The following SPTBN1 variants were observed in gnomAD, a reference collection of about 807,000 sequenced individuals.
SPTBN1 encodes the protein spectrin beta, non-erythrocytic 1, also known as spectrin beta chain, non-erythrocytic 1.
Under a neutral mutation model 266.4 loss-of-function variants are expected in SPTBN1, and 32 were observed. The observed-to-expected ratio is 0.12, with a 90% CI of 0.09 to 0.16. The LOEUF (loss-of-function observed/expected upper bound fraction) is 0.16. Among genes scored for constraint, SPTBN1 ranks in the 10% least tolerant of loss-of-function variants. The pLI is 1.00. For synonymous variants in SPTBN1, 1,336 were observed against 1,162.2 expected (o/e 1.15, Z -3.04); for missense variants, 2,296 against 3,067.1 (o/e 0.75, Z 5.94).
At chr2:54,588,341 G>T (rs1163760151) in intron 2 of SPTBN1, among the ~76,000 whole-genome samples, 1 of 152,182 alleles carries the variant, frequency 6.6e-6, no homozygotes, top group Non-Finnish European at 1.5e-5. Flanking sequence ...ACCAGACATG[G>T]ATGGTTATGA....
intron 2 of SPTBN1, among the ~76,000 whole-genome samples, chr2:54,530,257 A>G (rs1267008769): frequency 2.0e-5 from 3 of 151,508 alleles, no homozygotes; most frequent in African/African-American, 4.8e-5. Flanking sequence ...GGGTTTATGT[A>G]TCTAAGGAAA....
intron 17 of SPTBN1, among the ~76,000 whole-genome samples, chr2:54,634,866 G>A (rs2941580): frequency 0.49 from 74,437 of 152,048 alleles, 18,456 homozygotes; most frequent in South Asian, 0.58. Context: ...GTGCCTGTGA[G>A]TGGGAAGAGA....
At position 54,632,759 on chromosome 2, in the gene SPTBN1, T is replaced by C. The variant is rs771074610; in HGVS notation, c.3758T>C (p.Ile1253Thr). 4.3e-6 allele frequency: 7 copies of C among 1,614,136 alleles called. No individual in the cohort carries two copies. The Admixed American group carries it at 6.7e-5, about 15-fold the overall frequency. Residue 1253 changes from isoleucine (I) to threonine (T), a missense_variant, in exon 17 of 36, where the codon ATT (isoleucine) becomes ACT (threonine). By Grantham distance (89) the Ile-to-Thr change is moderately conservative (BLOSUM62 -1). This residue lies in a region of SPTBN1 where 386 missense variants were observed against 486.1 expected (regional missense o/e 0.79). Coordinates refer to ENST00000356805, the MANE Select transcript of SPTBN1 (RefSeq NM_003128.3). The stretch of plus-strand genomic sequence containing the variant: ...CGCATCCAGGAGAAGGTGGACTCTA[T>C]TGATGACAGGTACAGTTTTCTGAGG... ...SDRIQEKVDS[I>T]DDRHRKNRET...
rs756805160 is a variant in SPTBN1, at chr2:54,616,310, T to C, written c.566+12T>C. 14 of 1,612,486 alleles carry C rather than the reference T, an allele frequency of 8.7e-6. No homozygotes were observed. In the South Asian group the frequency reaches 1.4e-4, roughly 16 times the overall value. On this transcript the variant is annotated intron_variant, in intron 5 of 35. Transcript: ENST00000356805. Reference sequence around the variant, plus strand: ...ATGAAGACAGCTGGGTGAGTGTGAATGAAGAGGGTATTGGGGCTGCTTCTT... The same window carrying C: ...ATGAAGACAGCTGGGTGAGTGTGAACGAAGAGGGTATTGGGGCTGCTTCTT...
chr2:54,583,527 G>T (rs1466069650), intron 2 of SPTBN1, among the ~76,000 whole-genome samples: 1 of 152,092 alleles, frequency 6.6e-6, no homozygotes, highest in African/African-American at 2.4e-5. Flanking sequence ...TAGGAACATG[G>T]TTTGAAAACT....
At chr2:54,641,407 G>T (rs149364666) in intron 18 of SPTBN1, among the ~76,000 whole-genome samples, 3 of 152,188 alleles carry the variant, frequency 2.0e-5, no homozygotes, top group Non-Finnish European at 4.4e-5. Context: ...TTGTGTGTAT[G>T]TACAGAATAC....
rs573506476 is a variant in SPTBN1 at position 54,664,382 on chromosome 2, G to A, written c.6421-71G>A. The A allele has an allele frequency of 2.8e-5, 42 of 1,474,180 alleles. No homozygotes were observed. Among genetic ancestry groups the A allele is most frequent in the Admixed American group, 1.3e-4 (7 of 54,554 alleles). 91.3% of individuals were successfully genotyped at this position (1,474,180 alleles called of 1,614,324 possible). Reference sequence around the variant, plus strand: ...CATTTATACACAGCCACATGTGCGAGTCAGGTAGAGCGTATGTGGTCACCC... The same window carrying A: ...CATTTATACACAGCCACATGTGCGAATCAGGTAGAGCGTATGTGGTCACCC... On this transcript the variant is annotated intron_variant, in intron 32 of 35. Coordinates refer to ENST00000356805, the MANE Select transcript of SPTBN1 (RefSeq NM_003128.3). The surrounding 1 kb of genome is among the most constrained non-coding windows in gnomAD (Gnocchi z 5.6).
intron 1 of SPTBN1, among the ~76,000 whole-genome samples, chr2:54,510,792 C>T (rs1222310779): frequency 6.6e-6 from 1 of 152,166 alleles, no homozygotes; most frequent in East Asian, 1.9e-4. Context: ...GGTCTGGATG[C>T]CCTGATCTTT....
chr2:54,519,307 A>G (rs1363542755), intron 1 of SPTBN1, among the ~76,000 whole-genome samples: 3 of 152,234 alleles, frequency 2.0e-5, no homozygotes, highest in Admixed American at 1.3e-4. Flanking sequence ...TGGTAAGTAA[A>G]TAGAAGGTTT....
At chr2:54,597,649 T>A (rs1314929481) in intron 2 of SPTBN1, among the ~76,000 whole-genome samples, 34 of 152,172 alleles carry the variant, frequency 2.2e-4, no homozygotes, top group Admixed American at 2.2e-3. Flanking sequence ...ATGTCATCTC[T>A]GCCTCATTCC....
chr2:54,506,543 A>G (rs564019932), intron 1 of SPTBN1, among the ~76,000 whole-genome samples: 5 of 152,198 alleles, frequency 3.3e-5, no homozygotes, highest in Admixed American at 2.6e-4. Context: ...TAGTAGAGGA[A>G]TTGGTAGGGA....
At chr2:54,517,474 G>C (rs1440195955) in intron 1 of SPTBN1, among the ~76,000 whole-genome samples, 1 of 152,062 alleles carries the variant, frequency 6.6e-6, no homozygotes, top group Non-Finnish European at 1.5e-5. Flanking sequence ...ACTATACTCT[G>C]TCATTGATAA....
chr2:54,652,532 C>T (rs1360264917), intron 26 of SPTBN1: 1 of 152,204 alleles, frequency 6.6e-6, no homozygotes, highest in Non-Finnish European at 1.5e-5. Context: ...ACAGACACTG[C>T]TGCAGTAAAT....
intron 16 of SPTBN1, among the ~76,000 whole-genome samples, chr2:54,632,118 T>C (rs1678777313): frequency 1.3e-5 from 2 of 151,756 alleles, no homozygotes; most frequent in South Asian, 4.2e-4. Context: ...GGATTTTTTT[T>C]TTTCTTGAGA....
chr2:54,593,155 A>C (rs1383137250), intron 2 of SPTBN1, among the ~76,000 whole-genome samples: 1 of 152,158 alleles, frequency 6.6e-6, no homozygotes, highest in Non-Finnish European at 1.5e-5. Context: ...AGTAGTTCTC[A>C]TTGACAGTAG....
intron 12 of SPTBN1, among the ~76,000 whole-genome samples, chr2:54,627,304 A>G (rs1362839447): frequency 6.6e-6 from 1 of 152,212 alleles, no homozygotes; most frequent in Non-Finnish European, 1.5e-5. Flanking sequence ...ATCATGATGC[A>G]CATTGTAACT....
rs528849120 is a variant in SPTBN1 at position 54,664,488 on chromosome 2, C to T, written c.6456C>T (p.Asn2152=). ...CGGTGGACACAAGCGAAATGGTCAA[C>T]GGCGCTACAGAACAAAGGACGAGCT... ...AETVDTSEMV[N]GATEQRTSSK... Residue 2152 remains asparagine, a synonymous_variant, in exon 33 of 36, where the codon AAC becomes AAT. Coordinates refer to ENST00000356805, the MANE Select transcript of SPTBN1 (RefSeq NM_003128.3). The surrounding 1 kb of genome is among the most constrained non-coding windows in gnomAD (Gnocchi z 5.6). 7.9e-5 allele frequency: 128 copies of T among 1,613,856 alleles called. No individual in the cohort carries two copies. Among genetic ancestry groups the T allele is most frequent in the South Asian group, 1.3e-4 (12 of 91,080 alleles).
chr2:54,499,811 A>G (rs1380206752), intron 1 of SPTBN1, among the ~76,000 whole-genome samples: 1 of 152,186 alleles, frequency 6.6e-6, no homozygotes, highest in Non-Finnish European at 1.5e-5. Flanking sequence ...GTTTCTCACT[A>G]TGAACTAATA....
At chr2:54,595,534 A>T (rs1429827727) in intron 2 of SPTBN1, among the ~76,000 whole-genome samples, 1 of 152,256 alleles carries the variant, frequency 6.6e-6, no homozygotes, top group Non-Finnish European at 1.5e-5. Context: ...CCCACCTCAC[A>T]TCGCCCAGAC....
Sources: gnomAD v4.1 joint callset for allele counts (sites outside exome capture counted in the v4.1 genomes callset) on GRCh38, gnomAD v4.1.1 for gene constraint, gnomAD v4.1.1 regional missense constraint, Gnocchi (gnomAD v3.1) non-coding constraint, MANE v1.5 for transcripts, NCBI Gene and HGNC (gene_info 2026-07-23, HGNC 2026-07-21) for gene names.